The following MICU1 variants were observed in gnomAD, a reference collection of about 807,000 sequenced individuals.
MICU1 encodes calcium uptake protein 1, mitochondrial.
Under a neutral mutation model 56.8 loss-of-function variants are expected in MICU1, and 45 were observed. The observed-to-expected ratio is 0.79, with a 90% CI of 0.62 to 1.02. The LOEUF (loss-of-function observed/expected upper bound fraction) is 1.02, where lower values mean the gene tolerates loss of function less well. Ranked by LOEUF, MICU1 falls within the 50% of genes least tolerant of loss-of-function variation. MICU1 has a pLI of 0.00. For missense variants in MICU1, 504 were observed against 587.1 expected (o/e 0.86, Z 1.46); for synonymous variants, 186 against 195.1 (o/e 0.95, Z 0.39).
At chr10:72,589,361 A>G (rs978698565) in intron 1 of MICU1, among the ~76,000 whole-genome samples, 6 of 152,132 alleles carry the variant, frequency 3.9e-5, no homozygotes, top group African/African-American at 1.4e-4. Flanking sequence ...ACCAAATAGG[A>G]ATAAACAATT....
chr10:72,578,209 A>G (rs1011762184), intron 1 of MICU1, among the ~76,000 whole-genome samples: 9 of 152,056 alleles, frequency 5.9e-5, no homozygotes, highest in African/African-American at 2.2e-4. Context: ...CTATCAGCAA[A>G]AGGACTGTCA....
chr10:72,500,139 C>T (rs1412862899), intron 6 of MICU1, among the ~76,000 whole-genome samples: 2 of 151,084 alleles, frequency 1.3e-5, no homozygotes, highest in Non-Finnish European at 1.5e-5. Flanking sequence ...AGTCTGCCTC[C>T]AAATTTTAAA....
At chr10:72,500,302 A>ATTTTT (rs542725786) in intron 6 of MICU1, among the ~76,000 whole-genome samples, 33 of 10,626 alleles carry the variant, frequency 3.1e-3, no homozygotes, top group South Asian at 8.3e-3. Context: ...ATATATATAT[A>ATTTTT]TTTTTTTTTT....
intron 1 of MICU1, among the ~76,000 whole-genome samples, chr10:72,596,540 A>G (rs1049804952): frequency 6.6e-6 from 1 of 152,188 alleles, no homozygotes; most frequent in African/African-American, 2.4e-5. Flanking sequence ...ATTTGATGTT[A>G]TATGTTTATC....
intron 4 of MICU1, among the ~76,000 whole-genome samples, chr10:72,544,005 T>G (rs1379300126): frequency 2.0e-5 from 3 of 152,214 alleles, no homozygotes; most frequent in Non-Finnish European, 4.4e-5. Context: ...GGCAGACAGC[T>G]CGGCGCTGTG....
intron 8 of MICU1, among the ~76,000 whole-genome samples, chr10:72,438,477 C>T (rs1482418266): frequency 3.9e-5 from 6 of 152,170 alleles, no homozygotes; most frequent in Non-Finnish European, 1.5e-5. Flanking sequence ...CCTAACATCA[C>T]AATTAAAAGA....
At chr10:72,607,450 C>A (rs990522679) in intron 1 of MICU1, among the ~76,000 whole-genome samples, 1 of 151,684 alleles carries the variant, frequency 6.6e-6, no homozygotes, top group South Asian at 2.1e-4. Context: ...ACCTTCCTGG[C>A]CAACATGGTG....
intron 5 of MICU1, among the ~76,000 whole-genome samples, chr10:72,533,413 G>C (rs1839543732): frequency 6.6e-6 from 1 of 152,094 alleles, no homozygotes; most frequent in Non-Finnish European, 1.5e-5. Context: ...GTCAAATCAG[G>C]GAAGCGTTTT....
intron 4 of MICU1, among the ~76,000 whole-genome samples, chr10:72,544,496 T>C (rs936180471): frequency 2.6e-5 from 4 of 152,172 alleles, no homozygotes; most frequent in Non-Finnish European, 5.9e-5. Flanking sequence ...GGTCAGCCAG[T>C]TGGATATGGT....
intron 11 of MICU1, among the ~76,000 whole-genome samples, chr10:72,370,099 A>AGTGGTGCG (rs1862282316): frequency 6.6e-6 from 1 of 152,106 alleles, no homozygotes; most frequent in South Asian, 2.1e-4. Context: ...GGATGGTCTC[A>AGTGGTGCG]ATCTCCTGAC....
At chr10:72,597,262 A>G (rs945282512) in intron 1 of MICU1, among the ~76,000 whole-genome samples, 1 of 152,216 alleles carries the variant, frequency 6.6e-6, no homozygotes, top group African/African-American at 2.4e-5. Flanking sequence ...TCTCCAAAAC[A>G]GTACGAAATA....
chr10:72,399,469 T>TAAATA (rs1210676690), intron 10 of MICU1, among the ~76,000 whole-genome samples: 1 of 151,670 alleles, frequency 6.6e-6, no homozygotes, highest in African/African-American at 2.4e-5. Flanking sequence ...AATAAATAAA[T>TAAATA]AAATAAAATA....
chr10:72,557,932 A>G (rs1840198547), intron 3 of MICU1, among the ~76,000 whole-genome samples: 1 of 152,170 alleles, frequency 6.6e-6, no homozygotes, highest in Non-Finnish European at 1.5e-5. Flanking sequence ...ACATCTTTTA[A>G]TATTCGTGTT....
At chr10:72,569,261 G>C (rs61865730) in intron 1 of MICU1, among the ~76,000 whole-genome samples, 1 of 83,024 alleles carries the variant, frequency 1.2e-5, no homozygotes, top group African/African-American at 5.8e-5. Context: ...TTGAGATGGC[G>C]TCTCACTCTG....
chr10:72,538,530 T>C (rs781598416), intron 4 of MICU1, among the ~76,000 whole-genome samples: 25 of 152,118 alleles, frequency 1.6e-4, no homozygotes, highest in Non-Finnish European at 3.5e-4. Context: ...AAATAATCTG[T>C]TATAATTATG....
intron 9 of MICU1, among the ~76,000 whole-genome samples, chr10:72,421,777 C>G (rs1330474292): frequency 1.3e-5 from 2 of 152,178 alleles, no homozygotes; most frequent in Non-Finnish European, 2.9e-5. Flanking sequence ...CATAAAACAG[C>G]CAGAGTTGTC....
intron 11 of MICU1, among the ~76,000 whole-genome samples, chr10:72,374,512 C>T (rs573836196): frequency 6.6e-6 from 1 of 152,292 alleles, no homozygotes; most frequent in African/African-American, 2.4e-5. Context: ...GAAGTACTAT[C>T]CAAGGTCCTA....
intron 1 of MICU1, among the ~76,000 whole-genome samples, chr10:72,571,131 C>T (rs1023051990): frequency 2.6e-5 from 4 of 152,110 alleles, no homozygotes; most frequent in South Asian, 2.1e-4. Context: ...TGGGAGGCCA[C>T]GGCGGGCAAA....
rs185560237 is a variant in MICU1, at chr10:72,395,257, G to A, written c.1180+12672C>T. 6.1e-4 allele frequency among the ~76,000 whole-genome samples: 92 copies of A among 152,002 alleles called. 1 individual carries two copies. The highest frequency in any genetic ancestry group is 2.0e-3 in the African/African-American group (82 of 41,478). ...GTCTCGATCTCCTGACCTTGTGATC[G>A]GCCCAATATGGTGAATCCCCATCTC... On this transcript the variant is annotated intron_variant, in intron 10 of 11. Transcript: ENST00000361114.
Sources: allele counts gnomAD v4.1 joint callset (sites outside exome capture counted in the v4.1 genomes callset), GRCh38; gene constraint gnomAD v4.1.1; transcripts MANE v1.5; gene names NCBI Gene and HGNC (gene_info 2026-07-23, HGNC 2026-07-21).